XK: variants seen among roughly 807,000 people sequenced by gnomAD.
XK encodes endoplasmic reticulum membrane adapter protein XK.
XK carries 2 observed loss-of-function variants against 14.0 expected under a neutral mutation model. The observed-to-expected ratio is 0.14, with a 90% CI of 0.06 to 0.45. The LOEUF is 0.45. Among genes scored for constraint, XK ranks in the 20% least tolerant of loss-of-function variants. The pLI is 0.98. For missense variants in XK, 235 were observed against 341.5 expected, an observed-to-expected ratio of 0.69 and a Z score of 2.46; for synonymous variants, 149 against 147.5, an observed-to-expected ratio of 1.01 and a Z score of -0.08.
chrX:37,697,342 T>C lies in XK; in HGVS notation c.508+2794T>C, dbSNP rs1462265305. Among the ~76,000 whole-genome samples the C allele has an allele frequency of 2.7e-5, 3 of 112,345 alleles. No homozygotes were observed. In the Admixed American group the frequency reaches 2.8e-4, roughly 11 times the overall value. On this transcript the variant is annotated intron_variant, in intron 2 of 2. Coordinates refer to ENST00000378616, the MANE Select transcript of XK (RefSeq NM_021083.4). Reference sequence around the variant, plus strand: ...AGACTAGTCATGGCCTGCGTGTGGTTGGGCCCATTGCCACCCATAACAAAA... The same window carrying C: ...AGACTAGTCATGGCCTGCGTGTGGTCGGGCCCATTGCCACCCATAACAAAA...
Position 37,731,269 on chromosome X carries a change from T to C in XK, c.*2807T>C, listed in dbSNP as rs1556451099. ...TCCCATAACTTGTCAGGATAGTTGC[T>C]CCAACTGAATTGCTATCATTTGGCT... On this transcript the variant is annotated 3_prime_UTR_variant, in exon 3 of 3. Transcript: ENST00000378616. 7.1e-5 allele frequency: 8 copies of C among 112,286 alleles called. No individual in the cohort carries two copies. 9.3% of individuals were successfully genotyped at this position (112,286 alleles called of 1,213,427 possible).
At chrX:37,707,953 C>T (rs1346672362) in intron 2 of XK, among the ~76,000 whole-genome samples, 6 of 112,907 alleles carry the variant, frequency 5.3e-5, no homozygotes, top group African/African-American at 9.6e-5. Context: ...TCTGCAATCC[C>T]GGCCCCTCGG....
chrX:37,705,898 G>GCA (rs1927517319), intron 2 of XK, among the ~76,000 whole-genome samples: 1 of 103,198 alleles, frequency 9.7e-6, no homozygotes. Context: ...GAATACAGGT[G>GCA]CACACTACCA....
intron 2 of XK, among the ~76,000 whole-genome samples, chrX:37,705,289 CAAAAAAA>C (rs5902157): frequency 7.1e-5 from 7 of 98,956 alleles, no homozygotes; most frequent in South Asian, 9.1e-4. Context: ...ACTAAAAATA[CAAAAAAA>C]AAAAAATTAG....
At chrX:37,706,906 C>T (rs1328915970) in intron 2 of XK, among the ~76,000 whole-genome samples, 1 of 111,247 alleles carries the variant, frequency 9.0e-6, no homozygotes, top group Non-Finnish European at 1.9e-5. Context: ...TCCATTTAAC[C>T]CTGAGTGGAC....
intron 1 of XK, among the ~76,000 whole-genome samples, chrX:37,691,215 G>T (rs1441842698): frequency 2.7e-5 from 3 of 112,123 alleles, no homozygotes; most frequent in African/African-American, 3.2e-5. Context: ...CCCTTCCTTC[G>T]CATCAAGAAA....
intron 2 of XK, among the ~76,000 whole-genome samples, chrX:37,699,403 A>G (rs952135433): frequency 8.9e-6 from 1 of 112,523 alleles, no homozygotes; most frequent in Non-Finnish European, 1.9e-5. Flanking sequence ...TCATGAGAGA[A>G]CAAGCAGATG....
rs782608410 is a variant in XK at position 37,713,082 on chromosome X, A to G, written c.509-14554A>G. Among the ~76,000 whole-genome samples the G allele has an allele frequency of 3.6e-5, 4 of 111,579 alleles. No individual in the cohort carries two copies. In the East Asian group the frequency reaches 1.1e-3, roughly 32 times the overall value. On this transcript the variant is annotated intron_variant, in intron 2 of 2. Transcript: ENST00000378616. ...TATTTCTGCATAATAAACCACCATAAAACTTAGTGACTTAAAGTAATAGCA... is the reference window on the plus strand; with the variant it reads ...TATTTCTGCATAATAAACCACCATAGAACTTAGTGACTTAAAGTAATAGCA...
intron 2 of XK, among the ~76,000 whole-genome samples, chrX:37,704,561 C>T (rs1471335250): frequency 1.8e-5 from 2 of 110,590 alleles, no homozygotes; most frequent in Non-Finnish European, 3.8e-5. Flanking sequence ...ATCAGCCGGG[C>T]GTGGTGGCTC....
intron 2 of XK, among the ~76,000 whole-genome samples, chrX:37,720,397 T>C (rs1927846533): frequency 9.0e-6 from 1 of 111,246 alleles, no homozygotes; most frequent in African/African-American, 3.3e-5. Flanking sequence ...TGGAAATCTT[T>C]TGCTTTTTGA....
rs1407439500 is a variant in XK at position 37,729,480 on chromosome X, T to G, written c.*1018T>G. Reference sequence around the variant, plus strand: ...TTATAAAGACGGAATGACCAGAAAATTTTTGTCTTTCATGGAATGCAATTT... The same window carrying G: ...TTATAAAGACGGAATGACCAGAAAAGTTTTGTCTTTCATGGAATGCAATTT... On this transcript the variant is annotated 3_prime_UTR_variant, in exon 3 of 3. Transcript: ENST00000378616. 3 of 111,954 alleles carry G rather than the reference T, an allele frequency of 2.7e-5. No homozygotes were observed. The highest frequency in any genetic ancestry group is 5.6e-5 in the Non-Finnish European group (3 of 53,112). The allele number at this position is 111,954 out of a possible 1,213,427, so 9.2% of individuals were successfully genotyped here. A position where few individuals can be genotyped will look rare whatever the true frequency, so the allele number is the denominator to read the frequency against.
intron 2 of XK, among the ~76,000 whole-genome samples, chrX:37,708,927 T>C (rs1196977266): frequency 8.9e-6 from 1 of 112,592 alleles, no homozygotes; most frequent in Non-Finnish European, 1.9e-5. Context: ...AATTTCATTA[T>C]CTTGAGATTC....
intron 2 of XK, among the ~76,000 whole-genome samples, chrX:37,704,138 C>T (rs958696014): frequency 8.9e-6 from 1 of 111,900 alleles, no homozygotes; most frequent in Non-Finnish European, 1.9e-5. Context: ...GAGGTAGTGA[C>T]GTTTTTCATG....
Position 37,686,213 on chromosome X carries a change from G to A in XK, c.245+7G>A. On this transcript the variant is annotated splice_region_variant and intron_variant, in intron 1 of 2. Transcript: ENST00000378616. ...AACTTGGGCCCCTTTTCAGGTGCGT[G>A]CAGAAGCCCAGAGCCAGCCCCAGGC... The A allele has an allele frequency of 8.3e-7, 1 of 1,206,012 alleles. No homozygotes were observed. The highest frequency in any genetic ancestry group is 1.1e-6 in the Non-Finnish European group (1 of 894,457).
At chrX:37,725,764 C>G (rs370829349) in intron 2 of XK, among the ~76,000 whole-genome samples, 111 of 111,932 alleles carry the variant, frequency 9.9e-4, no homozygotes, top group African/African-American at 3.4e-3. Context: ...TATTATTCAG[C>G]ACTAAAAAGA....
chrX:37,696,011 C>T (rs1265159489), intron 2 of XK, among the ~76,000 whole-genome samples: 2 of 112,160 alleles, frequency 1.8e-5, no homozygotes, highest in East Asian at 5.5e-4. Context: ...AGCAAGAAAT[C>T]AGATGTGATG....
chrX:37,719,687 T>G (rs903755911), intron 2 of XK, among the ~76,000 whole-genome samples: 1 of 111,383 alleles, frequency 9.0e-6, no homozygotes, highest in African/African-American at 3.3e-5. Flanking sequence ...AAGTTCCCAA[T>G]TTTGTCACAC....
intron 1 of XK, among the ~76,000 whole-genome samples, chrX:37,689,252 C>A (rs1450309387): frequency 8.9e-6 from 1 of 112,102 alleles, no homozygotes; most frequent in Non-Finnish European, 1.9e-5. Flanking sequence ...CTCTTAGCTT[C>A]CAGATTAAAA....
rs782469429 is a variant in XK, at chrX:37,728,511, A to G, written c.*49A>G. 7.9e-6 allele frequency: 9 copies of G among 1,144,332 alleles called. No homozygotes were observed. The African/African-American group carries it at 1.1e-4, about 14-fold the overall frequency. The allele number at this position is 1,144,332 out of a possible 1,213,427, so 94.3% of individuals were successfully genotyped here. On this transcript the variant is annotated 3_prime_UTR_variant, in exon 3 of 3. Transcript: ENST00000378616. ...AGGCATATTATTTTCTGGGTTTGAT[A>G]CTCGTTATTCATACAAATAATGAGC...
Sources: allele counts gnomAD v4.1 joint callset (sites outside exome capture counted in the v4.1 genomes callset), GRCh38; gene constraint gnomAD v4.1.1; transcripts MANE v1.5; gene names NCBI Gene and HGNC (gene_info 2026-07-23, HGNC 2026-07-21).